ZFR2: variants seen among roughly 807,000 people sequenced by gnomAD.
ZFR2 encodes zinc finger RNA-binding protein 2.
A neutral mutation model predicts 105.7 loss-of-function variants in ZFR2; 104 were observed. The ratio of observed to expected loss-of-function variants is 0.98; its 90% CI spans 0.84 to 1.16. ZFR2 has a LOEUF of 1.16. Among genes scored for constraint, ZFR2 ranks in the 50% most tolerant of loss-of-function variants. The pLI, the probability that ZFR2 is intolerant of heterozygous loss-of-function variation, is 0.00. For missense variants in ZFR2, 1,425 were observed against 1,355.5 expected (o/e 1.05, Z -0.80); for synonymous variants, 634 against 597.7 (o/e 1.06, Z -0.89).
At chr19:3,851,446 CA>C (rs1321631705) in intron 1 of ZFR2, among the ~76,000 whole-genome samples, 1 of 152,204 alleles carries the variant, frequency 6.6e-6, no homozygotes, top group Non-Finnish European at 1.5e-5. Flanking sequence ...CAGAAGCCAC[CA>C]AAACATGCAA....
At position 3,830,038 on chromosome 19, in the gene ZFR2, G is replaced by C. The variant is rs779580580; in HGVS notation, c.852+1265C>G. On this transcript the variant is annotated intron_variant, in intron 5 of 18. Transcript: ENST00000262961. ...CACACGGGCCTGGCGCAGGGACTCA[G>C]CTTGTCATCCTGGCACTATGGGAGG... is the stretch of plus-strand genomic sequence containing the variant. Among the ~76,000 whole-genome samples, 159 of 152,160 alleles carry C rather than the reference G, an allele frequency of 1.0e-3. 3 individuals carry two copies. Among genetic ancestry groups the C allele is most frequent in the Non-Finnish European group, 2.6e-4 (18 of 68,040 alleles).
chr19:3,855,633 G>A, intron 1 of ZFR2: 1 of 417,204 alleles, frequency 2.4e-6, no homozygotes, highest in East Asian at 3.6e-5. Context: ...ATGCCGCCGG[G>A]AAGGACGCGG....
chr19:3,859,431 G>T (rs1205152135), intron 1 of ZFR2, among the ~76,000 whole-genome samples: 1 of 152,180 alleles, frequency 6.6e-6, no homozygotes, highest in African/African-American at 2.4e-5. Flanking sequence ...CCTTGTGACC[G>T]TGTGAGTCAC....
chr19:3,855,466 A>G (rs749108310), intron 1 of ZFR2: 56 of 1,231,550 alleles, frequency 4.5e-5, no homozygotes, highest in Non-Finnish European at 5.4e-5. Flanking sequence ...TTGGATAAAT[A>G]CTTCCTGGGT....
chr19:3,832,446 C>G (rs1407468689), intron 3 of ZFR2, among the ~76,000 whole-genome samples: 1 of 151,618 alleles, frequency 6.6e-6, no homozygotes, highest in Non-Finnish European at 1.5e-5. Flanking sequence ...CTCAGCCTCC[C>G]GAATAGCTGG....
Position 3,811,323 on chromosome 19 carries a change from G to T in ZFR2, c.2286C>A (p.Pro762=). The change falls in exon 15 of 19, where the codon CCC becomes CCA. Residue 762 remains proline (P), a synonymous_variant. Coordinates refer to ENST00000262961, the MANE Select transcript of ZFR2 (RefSeq NM_015174.2). ...CGGCCAGGGACTCGAGGCACTTCTT[G>T]GGGCTCAGGACATCACCTGCATCAG... is the stretch of plus-strand genomic sequence containing the variant. ...PQADAGDVLS[P]KKCLESLAAL... The T allele has an allele frequency of 6.2e-7, 1 of 1,605,680 alleles. No homozygotes were observed. The highest frequency in any genetic ancestry group is 2.2e-5 in the East Asian group (1 of 44,486).
At chr19:3,808,182 T>G (rs2037722907) in intron 17 of ZFR2, among the ~76,000 whole-genome samples, 3 of 150,886 alleles carry the variant, frequency 2.0e-5, no homozygotes, top group Admixed American at 1.3e-4. Flanking sequence ...CCTGTGCGTG[T>G]GCATGCACGT....
intron 1 of ZFR2, among the ~76,000 whole-genome samples, chr19:3,849,968 G>T (rs1484645449): frequency 6.6e-6 from 1 of 152,178 alleles, no homozygotes; most frequent in Admixed American, 6.5e-5. Flanking sequence ...CGTCACAGCT[G>T]TGAGCAGACT....
intron 1 of ZFR2, among the ~76,000 whole-genome samples, chr19:3,849,630 G>A (rs902319856): frequency 1.3e-5 from 2 of 152,254 alleles, no homozygotes; most frequent in African/African-American, 4.8e-5. Context: ...TGTGCAGGTG[G>A]ACAGAGCCAA....
intron 18 of ZFR2, 135 bp from the exon 19 acceptor site, chr19:3,806,260 C>T (rs1423615234): frequency 9.1e-6 from 9 of 986,722 alleles, no homozygotes; most frequent in Non-Finnish European, 1.1e-5. Context: ...TAGCCCCCGG[C>T]CCCCCGCCGC....
rs1555752892 is a variant in ZFR2, at chr19:3,811,267, C to A, written c.2337+5G>T. 4 of 1,581,000 alleles carry A rather than the reference C, an allele frequency of 2.5e-6. No homozygotes were observed. The highest frequency in any genetic ancestry group is 3.4e-6 in the Non-Finnish European group (4 of 1,164,830). ...CTCCCCCTGCTCCACCCCTGCCCCC[C>A]TGACCTGAAACCACCTGGCATGACG... On this transcript the variant is annotated splice_donor_5th_base_variant and intron_variant, in intron 15 of 18. Coordinates refer to ENST00000262961, the MANE Select transcript of ZFR2 (RefSeq NM_015174.2).
At chr19:3,806,157 C>T (rs990112348) in intron 18 of ZFR2, 32 bp from the exon 19 acceptor site, 18 of 1,401,012 alleles carry the variant, frequency 1.3e-5, no homozygotes, top group African/African-American at 4.5e-5. Context: ...TCAGGACCCC[C>T]GCCCGCTCTG....
At chr19:3,846,011 C>T (rs947444240) in intron 1 of ZFR2, among the ~76,000 whole-genome samples, 2 of 152,230 alleles carry the variant, frequency 1.3e-5, no homozygotes, top group African/African-American at 4.8e-5. Flanking sequence ...GAGTCTTGCT[C>T]TGTCGCCAAG....
chr19:3,807,838 C>T lies in ZFR2; in HGVS notation c.2546-569G>A, dbSNP rs372225996. On this transcript the variant is annotated intron_variant, in intron 17 of 18. Coordinates refer to ENST00000262961, the MANE Select transcript of ZFR2 (RefSeq NM_015174.2). ...CGTGTGCCTGTATGTGCACTCATTC[C>T]ATGTGTGTGCCCGTGTGTGTGCATG... 4.9e-3 allele frequency among the ~76,000 whole-genome samples: 734 copies of T among 148,468 alleles called. 6 individuals carry two copies. The highest frequency in any genetic ancestry group is 0.017 in the African/African-American group (689 of 40,064).
In ZFR2 at chr19:3,834,798, G is replaced by T. The variant is rs895358879; in HGVS notation, c.239C>A (p.Thr80Lys). Residue 80 changes from threonine to lysine, a missense_variant, in exon 2 of 19, where the codon ACG becomes AAG. Coordinates refer to ENST00000262961, the MANE Select transcript of ZFR2 (RefSeq NM_015174.2). The surrounding 1 kb of genome is among the most constrained non-coding windows in gnomAD (Gnocchi z 5.3). ...YGSRPQEPVP[T>K]ATTMATYQDS... is the part of the protein sequence containing the mutation. The stretch of plus-strand genomic sequence containing the variant: ...CTGGTAGGTAGCCATGGTGGTGGCC[G>T]TGGGGACGGGCTCCTGGGGTCGGCT... 2 of 1,612,298 alleles carry T rather than the reference G, an allele frequency of 1.2e-6. No homozygotes were observed. The highest frequency in any genetic ancestry group is 1.7e-6 in the Non-Finnish European group (2 of 1,179,740).
intron 14 of ZFR2, among the ~76,000 whole-genome samples, chr19:3,812,960 A>G (rs920433194): frequency 6.6e-6 from 1 of 152,166 alleles, no homozygotes; most frequent in Non-Finnish European, 1.5e-5. Flanking sequence ...GCACACCTGT[A>G]GTCCCAGCTA....
chr19:3,820,512 GC>G (rs1395956869), intron 10 of ZFR2, among the ~76,000 whole-genome samples: 4 of 152,208 alleles, frequency 2.6e-5, no homozygotes, highest in African/African-American at 7.2e-5. Flanking sequence ...GGCAAATGAG[GC>G]CCAGCCCGGG....
rs369444795 is a variant in ZFR2 at position 3,813,973 on chromosome 19, T to C, written c.2104-15A>G. ...TCGGTCACCATCTGGGAGGGGTAAA[T>C]ACAACACAAGGCCACCTTACTGCAG... On this transcript the variant is annotated splice_polypyrimidine_tract_variant and intron_variant, in intron 13 of 18. Coordinates refer to ENST00000262961, the MANE Select transcript of ZFR2 (RefSeq NM_015174.2). This position sits in a 1 kb window ranked among gnomAD's most constrained non-coding sequence, Gnocchi z 4.4. 163 of 1,613,338 alleles carry C rather than the reference T, an allele frequency of 1.0e-4. No homozygotes were observed. The African/African-American group carries it at 2.1e-3, about 21-fold the overall frequency.
chr19:3,859,942 A>G (rs1051464498), intron 1 of ZFR2, among the ~76,000 whole-genome samples: 59 of 152,072 alleles, frequency 3.9e-4, no homozygotes, highest in African/African-American at 1.3e-3. Context: ...TCTCCATGTG[A>G]AATGCCCATT....
Sources: gnomAD v4.1 joint callset for allele counts (sites outside exome capture counted in the v4.1 genomes callset) on GRCh38, gnomAD v4.1.1 for gene constraint, Gnocchi (gnomAD v3.1) non-coding constraint, MANE v1.5 for transcripts, NCBI Gene and HGNC (gene_info 2026-07-23, HGNC 2026-07-21) for gene names.